Variants in NPIPB15 observed in about 807,000 individuals in gnomAD.
NPIPB15 encodes nuclear pore complex interacting protein family member B15, also known as nuclear pore complex-interacting protein family member B15.
In NPIPB15, 5 loss-of-function variants were observed where a neutral mutation model predicts 35.9. The observed-to-expected ratio is 0.14, with a 90% CI of 0.07 to 0.29. The LOEUF (loss-of-function observed/expected upper bound fraction) is 0.29, where lower values mean the gene tolerates loss of function less well. NPIPB15 is among the 10% of genes least tolerant of loss of function. The pLI is 1.00. For missense variants in NPIPB15, 100 were observed against 506.1 expected, an observed-to-expected ratio of 0.20 and a Z score of 7.70; for synonymous variants, 43 against 182.0, an observed-to-expected ratio of 0.24 and a Z score of 6.15.
In NPIPB15 at chr16:74,391,441, G is replaced by A; in HGVS notation, c.693G>A (p.Trp231Ter). Reference sequence around the variant, plus strand: ...GTCATTCTTCAGGATTGCCCTGCTGGCCCTACCTCACAGCTGAAGCTTTAA... The same window carrying A: ...GTCATTCTTCAGGATTGCCCTGCTGACCCTACCTCACAGCTGAAGCTTTAA... ...EHRHSSGLPC[W>*]PYLTAEALKN... Residue 231 changes from tryptophan to a stop codon, truncating the protein, a stop_gained, in exon 8 of 8, where the codon TGG (tryptophan) becomes TGA (stop). Transcript: ENST00000692376. LOFTEE classifies it low-confidence loss of function (END_TRUNC). The A allele has an allele frequency of 5.0e-6, 8 of 1,610,984 alleles. No individual in the cohort carries two copies. Among genetic ancestry groups the A allele is most frequent in the Non-Finnish European group, 6.8e-6 (8 of 1,179,860 alleles).
chr16:74,381,509 A>T lies in NPIPB15; in HGVS notation c.67-7A>T, dbSNP rs1343860433. The stretch of plus-strand genomic sequence containing the variant: ...CCTTTTCATTCTTTCAACTATTATT[A>T]TTCCAGGTCATCAATAGTCTGGCTG... On this transcript the variant is annotated splice_region_variant and splice_polypyrimidine_tract_variant and intron_variant, in intron 2 of 7. Coordinates refer to ENST00000692376, the MANE Select transcript of NPIPB15 (RefSeq NM_001306094.2). 6.3e-7 allele frequency: 1 copy of T among 1,591,396 alleles called. No homozygotes were observed. The highest frequency in any genetic ancestry group is 8.5e-7 in the Non-Finnish European group (1 of 1,176,226).
intron 2 of NPIPB15, 58 bp downstream of exon 2, chr16:74,378,097 C>G: frequency 6.3e-7 from 1 of 1,581,754 alleles, no homozygotes; most frequent in Non-Finnish European, 8.6e-7. Context: ...TGTCACGCGG[C>G]ATGAAATTAC....
intron 3 of NPIPB15, among the ~76,000 whole-genome samples, chr16:74,384,705 A>T (rs1312005454): frequency 9.7e-5 from 5 of 51,812 alleles, no homozygotes; most frequent in Non-Finnish European, 7.2e-5. Flanking sequence ...TTTGAGACAG[A>T]GTTTCAATTT....
chr16:74,381,384 A>C, intron 2 of NPIPB15, 132 bp from the exon 3 acceptor site: 1 of 1,007,904 alleles, frequency 9.9e-7, no homozygotes, highest in Non-Finnish European at 1.4e-6. Flanking sequence ...GTAGCAGTGG[A>C]ATCCCACGGT....
intron 5 of NPIPB15, among the ~76,000 whole-genome samples, chr16:74,386,304 T>TTTA (rs1387027273): frequency 2.1e-5 from 3 of 139,890 alleles, no homozygotes; most frequent in East Asian, 2.5e-4. Context: ...TTTTTTTTTT[T>TTTA]AAATTTTGAG....
In NPIPB15 at chr16:74,376,816, A is replaced by G. The variant is rs534651126; in HGVS notation, c.-553A>G. On this transcript the variant is annotated 5_prime_UTR_variant, in exon 1 of 8. Transcript: ENST00000692376. ...GATCTCATCATTGAGTTGAAAGGCA[A>G]TCTTGTTTCATTTTGGATTCTTTCT... 0.027 allele frequency among the ~76,000 whole-genome samples: 3,990 copies of G among 147,294 alleles called. 3 individuals carry two copies. The highest frequency in any genetic ancestry group is 0.038 in the Non-Finnish European group (2,499 of 66,434).
At position 74,391,795 on chromosome 16, in the gene NPIPB15, G is replaced by C. The variant is rs2012580008; in HGVS notation, c.1047G>C (p.Glu349Asp). The change falls in exon 8 of 8, where the codon GAG becomes GAC. Residue 349 changes from glutamate to aspartate, a missense_variant. Physicochemically the swap from Glu to Asp is conservative, Grantham distance 45. Transcript: ENST00000692376. ...NLKTPPLATQ[E>D]AEAEKPPKPK... The stretch of plus-strand genomic sequence containing the variant: ...AGACTCCTCCCTTAGCTACTCAGGA[G>C]GCCGAGGCGGAAAAACCACCCAAAC... The C allele has an allele frequency of 6.2e-7, 1 of 1,612,616 alleles. No individual in the cohort carries two copies. The highest frequency in any genetic ancestry group is 1.7e-5 in the Admixed American group (1 of 59,848).
chr16:74,384,933 G>A (rs1387897784), intron 3 of NPIPB15, among the ~76,000 whole-genome samples: 20 of 149,786 alleles, frequency 1.3e-4, no homozygotes, highest in South Asian at 1.3e-3. Context: ...CACCTGCCTC[G>A]GCCTCCCAAA....
rs1379907639 is a variant in NPIPB15 at position 74,391,776 on chromosome 16, C to G, written c.1028C>G (p.Pro343Arg). The change falls in exon 8 of 8, where the codon CCT becomes CGT. Residue 343 changes from proline (P) to arginine (R), a missense_variant. Transcript: ENST00000692376. ...PPSVDDNLKT[P>R]PLATQEAEAE... Reference sequence around the variant, plus strand: ...TCAGTGGATGATAATCTCAAGACTCCTCCCTTAGCTACTCAGGAGGCCGAG... The same window carrying G: ...TCAGTGGATGATAATCTCAAGACTCGTCCCTTAGCTACTCAGGAGGCCGAG... 3 of 1,613,902 alleles carry G rather than the reference C, an allele frequency of 1.9e-6. No homozygotes were observed. Among genetic ancestry groups the G allele is most frequent in the Non-Finnish European group, 2.5e-6 (3 of 1,179,896 alleles).
At chr16:74,379,805 G>A (rs2011885406) in intron 2 of NPIPB15, among the ~76,000 whole-genome samples, 1 of 151,824 alleles carries the variant, frequency 6.6e-6, no homozygotes, top group African/African-American at 2.4e-5. Flanking sequence ...AGCTAGGATG[G>A]TCTCAATCTC....
intron 2 of NPIPB15, 164 bp from the exon 3 acceptor site, chr16:74,381,352 C>A: frequency 1.2e-6 from 1 of 832,054 alleles, no homozygotes; most frequent in East Asian, 2.7e-5. Flanking sequence ...AAACATGAGA[C>A]TTCTAACTTC....
chr16:74,384,371 A>ATTTTTTTTT (rs1231326915), intron 3 of NPIPB15, among the ~76,000 whole-genome samples: 6 of 65,572 alleles, frequency 9.2e-5, no homozygotes, highest in Non-Finnish European at 1.5e-4. Flanking sequence ...TATTCATGTC[A>ATTTTTTTTT]TTTTTTTTTT....
At chr16:74,386,495 G>A (rs1465276041) in intron 5 of NPIPB15, among the ~76,000 whole-genome samples, 33 of 115,216 alleles carry the variant, frequency 2.9e-4, no homozygotes, top group Middle Eastern at 4.5e-3. Context: ...GTCTCACTCT[G>A]TCACCCAGGC....
Position 74,376,533 on chromosome 16 carries a change from G to T in NPIPB15, c.-836G>T, listed in dbSNP as rs2011672557. On this transcript the variant is annotated 5_prime_UTR_variant, in exon 1 of 8. Transcript: ENST00000692376. ...CTTAGGAGAGAAGCTGATGAACTTT[G>T]TTTCTTGAAATGCACAGATTCCTTG... is the stretch of plus-strand genomic sequence containing the variant. Among the ~76,000 whole-genome samples the T allele has an allele frequency of 6.6e-6, 1 of 150,688 alleles. No homozygotes were observed. The highest frequency in any genetic ancestry group is 6.8e-5 in the Admixed American group (1 of 14,796).
chr16:74,390,698 G>C (rs1342844739), intron 7 of NPIPB15: 2 of 343,684 alleles, frequency 5.8e-6, no homozygotes, highest in Non-Finnish European at 6.9e-6. Context: ...GGCACCTCCA[G>C]AGTGAAGAAG....
rs758550192 is a variant in NPIPB15, at chr16:74,381,515, G to A, written c.67-1G>A. The A allele has an allele frequency of 1.3e-6, 2 of 1,592,448 alleles. No individual in the cohort carries two copies. The highest frequency in any genetic ancestry group is 1.7e-5 in the Admixed American group (1 of 59,092). ...CATTCTTTCAACTATTATTATTCCA[G>A]GTCATCAATAGTCTGGCTGTCTATC... On this transcript the variant is annotated splice_acceptor_variant, in intron 2 of 7. Coordinates refer to ENST00000692376, the MANE Select transcript of NPIPB15 (RefSeq NM_001306094.2). LOFTEE classifies it high-confidence loss of function.
At chr16:74,380,651 C>T (rs1463272588) in intron 2 of NPIPB15, among the ~76,000 whole-genome samples, 2 of 151,692 alleles carry the variant, frequency 1.3e-5, no homozygotes, top group African/African-American at 4.8e-5. Flanking sequence ...TGGCAAAACC[C>T]CATCTCCACA....
rs199888896 is a variant in NPIPB15, at chr16:74,384,991, TTGTGTGTGTGTGTGTGTG to T, written c.250-324_250-307del. On this transcript the variant is annotated intron_variant, in intron 3 of 7. Transcript: ENST00000692376. ...TCACCGTGCCAGCCTCATGTCATTC[TTGTGTGTGTGTGTGTGTG>T]TGTGTGTGTGTGTGTGTGTGTGTGT... 8.8e-3 allele frequency among the ~76,000 whole-genome samples: 820 copies of T among 93,492 alleles called. 10 individuals carry two copies. The highest frequency in any genetic ancestry group is 7.8e-3 in the Non-Finnish European group (371 of 47,686). The allele number at this position is 93,492 out of a possible 152,430, so 61.3% of individuals were successfully genotyped here.
Position 74,382,576 on chromosome 16 carries a change from T to A in NPIPB15, c.249+878T>A, listed in dbSNP as rs1259497397. 3.9e-5 allele frequency among the ~76,000 whole-genome samples: 6 copies of A among 152,400 alleles called. No individual in the cohort carries two copies. In the East Asian group the frequency reaches 1.2e-3, roughly 29 times the overall value. On this transcript the variant is annotated intron_variant, in intron 3 of 7. Coordinates refer to ENST00000692376, the MANE Select transcript of NPIPB15 (RefSeq NM_001306094.2). Reference sequence around the variant, plus strand: ...GGCTGCTAAGTTGTGCCATAATTTGTCTTTTGAGCCTTTTTTCCTTTGGGT... The same window carrying A: ...GGCTGCTAAGTTGTGCCATAATTTGACTTTTGAGCCTTTTTTCCTTTGGGT...
Sources: gnomAD v4.1 joint callset for allele counts (sites outside exome capture counted in the v4.1 genomes callset) on GRCh38, gnomAD v4.1.1 for gene constraint, MANE v1.5 for transcripts, NCBI Gene and HGNC (gene_info 2026-07-23, HGNC 2026-07-21) for gene names.